Variants in JAKMIP3 observed in about 807,000 individuals in gnomAD.
The protein encoded by JAKMIP3 is janus kinase and microtubule-interacting protein 3.
A neutral mutation model predicts 118.5 loss-of-function variants in JAKMIP3; 58 were observed. The observed-to-expected ratio is 0.49, with a 90% CI of 0.40 to 0.61. The LOEUF is 0.61. Ranked by LOEUF, JAKMIP3 falls within the 20% of genes least tolerant of loss-of-function variation. JAKMIP3 has a pLI of 0.00. For synonymous variants in JAKMIP3, 486 were observed against 451.2 expected (o/e 1.08, Z -0.98); for missense variants, 950 against 1,109.0 (o/e 0.86, Z 2.04).
chr10:132,127,574 G>A (rs555915745), intron 3 of JAKMIP3, among the ~76,000 whole-genome samples: 24 of 152,164 alleles, frequency 1.6e-4, no homozygotes, highest in African/African-American at 2.9e-4. Flanking sequence ...ACTTTTCATC[G>A]GAGCTTCTTG....
In JAKMIP3 at chr10:132,139,325, T is replaced by TGA. The variant is rs1426364603; in HGVS notation, c.1345-1125_1345-1124insAG. Reference sequence around the variant, plus strand: ...GTGTGTGAGTGTGTATGTGTATGTGTGTGTGTTTGTATGTGTGTACATGTG... The same window carrying TGA: ...GTGTGTGAGTGTGTATGTGTATGTGTGAGTGTGTTTGTATGTGTGTACATGTG... On this transcript the variant is annotated intron_variant, in intron 9 of 23. Transcript: ENST00000684848. Among the ~76,000 whole-genome samples, 12 of 151,150 alleles carry TGA rather than the reference T, an allele frequency of 7.9e-5. 1 individual carries two copies. The highest frequency in any genetic ancestry group is 2.2e-4 in the South Asian group (1 of 4,538).
At chr10:132,105,823 C>G (rs1049096149) in intron 2 of JAKMIP3, among the ~76,000 whole-genome samples, 10 of 122,408 alleles carry the variant, frequency 8.2e-5, no homozygotes, top group African/African-American at 3.3e-4. Flanking sequence ...GATGGTGTCC[C>G]CACTCCAGGC....
At chr10:132,082,845 G>A (rs1301386238) in intron 1 of JAKMIP3, among the ~76,000 whole-genome samples, 2 of 152,190 alleles carry the variant, frequency 1.3e-5, no homozygotes, top group African/African-American at 4.8e-5. Flanking sequence ...TCTTGACCTC[G>A]TGATCCGCCC....
chr10:132,056,358 A>G (rs1470050684), intron 1 of JAKMIP3, among the ~76,000 whole-genome samples: 1 of 152,174 alleles, frequency 6.6e-6, no homozygotes, highest in Non-Finnish European at 1.5e-5. Flanking sequence ...AGCTGTGAGC[A>G]TGTCCTCTGC....
intron 17 of JAKMIP3, 21 bp downstream of exon 17, chr10:132,153,044 A>T: frequency 6.3e-7 from 1 of 1,593,100 alleles, no homozygotes; most frequent in Non-Finnish European, 8.6e-7. Flanking sequence ...CTGTGTGGAC[A>T]GTCGGGAGAG....
chr10:132,153,342 C>T (rs533567911), intron 17 of JAKMIP3, among the ~76,000 whole-genome samples: 2 of 152,360 alleles, frequency 1.3e-5, no homozygotes, highest in African/African-American at 4.8e-5. Context: ...TGGGGCCACC[C>T]AGCCCACTAC....
intron 19 of JAKMIP3, among the ~76,000 whole-genome samples, chr10:132,159,722 G>GGC (rs2057743649): frequency 1.8e-5 from 2 of 108,836 alleles, no homozygotes; most frequent in African/African-American, 3.6e-5. Context: ...GATGCTGGGG[G>GGC]CATGTCTTCC....
intron 11 of JAKMIP3, chr10:132,144,842 T>G: frequency 2.6e-6 from 1 of 390,300 alleles, no homozygotes; most frequent in Non-Finnish European, 4.7e-6. Context: ...GGTGGGAGGA[T>G]CACTTGAGCT....
intron 14 of JAKMIP3, among the ~76,000 whole-genome samples, chr10:132,148,959 G>A (rs1310444743): frequency 5.1e-4 from 78 of 152,322 alleles, no homozygotes; most frequent in Non-Finnish European, 2.5e-4. Context: ...CAGCTGTGTG[G>A]TCACTCCATG....
intron 1 of JAKMIP3, among the ~76,000 whole-genome samples, chr10:132,048,549 C>A (rs995753231): frequency 6.6e-6 from 1 of 152,152 alleles, no homozygotes; most frequent in African/African-American, 2.4e-5. Flanking sequence ...GAGCTCCTGG[C>A]TGGCTGCTGT....
intron 1 of JAKMIP3, among the ~76,000 whole-genome samples, chr10:132,051,576 G>T (rs930085274): frequency 1.7e-4 from 25 of 151,478 alleles, no homozygotes; most frequent in Non-Finnish European, 7.4e-5. Context: ...TAATTAGGTT[G>T]TTTGTCTTTT....
At chr10:132,064,350 C>T (rs1013789770), upstream of JAKMIP3, among the ~76,000 whole-genome samples, 3 of 152,218 alleles carry the variant, frequency 2.0e-5, no homozygotes, top group Non-Finnish European at 4.4e-5. This position sits in a 1 kb window ranked among gnomAD's most constrained non-coding sequence, Gnocchi z 4.4. Context: ...GACAGCTGGG[C>T]TGAGGGGGCA....
At chr10:132,148,719 G>A (rs2055192829) in intron 14 of JAKMIP3, among the ~76,000 whole-genome samples, 1 of 152,250 alleles carries the variant, frequency 6.6e-6, no homozygotes, top group Non-Finnish European at 1.5e-5. Context: ...AGGGAGGAGG[G>A]GAATCCCACG....
rs1427593131 is a variant in JAKMIP3, at chr10:132,180,718, T to TGC, written c.*1104-1637_*1104-1636dup. Among the ~76,000 whole-genome samples the TGC allele has an allele frequency of 7.4e-3, 139 of 18,764 alleles. 18 individuals carry two copies. The highest frequency in any genetic ancestry group is 0.014 in the South Asian group (8 of 556). The allele number at this position is 18,764 out of a possible 152,430, so 12.3% of individuals were successfully genotyped here. On this transcript the variant is annotated intron_variant, in intron 23 of 23. Coordinates refer to ENST00000684848, the MANE Select transcript of JAKMIP3 (RefSeq NM_001323087.2). ...GTGCGTGTGTGTGTGCGCGTGTGTG[T>TGC]GCGTGTGTGTGCGTGTGTGCGTGCG...
At chr10:132,105,567 G>A (rs1208893119) in intron 2 of JAKMIP3, among the ~76,000 whole-genome samples, 1 of 151,992 alleles carries the variant, frequency 6.6e-6, no homozygotes, top group African/African-American at 2.4e-5. Context: ...CAGGGGGAGG[G>A]GCTGACCAGA....
At chr10:132,177,049 T>C (rs1477121445) in intron 23 of JAKMIP3, among the ~76,000 whole-genome samples, 1 of 152,228 alleles carries the variant, frequency 6.6e-6, no homozygotes, top group Non-Finnish European at 1.5e-5. Flanking sequence ...TCTCAGAAAC[T>C]GAACGACTGA....
chr10:132,134,893 G>A (rs563322978), intron 4 of JAKMIP3, 148 bp from the exon 5 acceptor site: 24 of 990,240 alleles, frequency 2.4e-5, no homozygotes, highest in East Asian at 8.0e-5. Flanking sequence ...GCCTTTCCCC[G>A]GGGGGCTCCG....
intron 3 of JAKMIP3, among the ~76,000 whole-genome samples, chr10:132,131,202 G>A (rs912420409): frequency 1.3e-5 from 2 of 150,228 alleles, no homozygotes; most frequent in Admixed American, 1.3e-4. Context: ...GGGGCGTTGT[G>A]GGGAGACGGG....
rs1217351041 is a variant in JAKMIP3 at position 132,044,761 on chromosome 10, C to T, written c.-138+8023C>T. Among the ~76,000 whole-genome samples the T allele has an allele frequency of 2.0e-5, 3 of 152,118 alleles. No homozygotes were observed. Among genetic ancestry groups the T allele is most frequent in the Non-Finnish European group, 4.4e-5 (3 of 68,010 alleles). On this transcript the variant is annotated intron_variant, in intron 1 of 23. Coordinates refer to the JAKMIP3 transcript ENST00000657785. This position sits in a 1 kb window ranked among gnomAD's most constrained non-coding sequence, Gnocchi z 5.3. ...GGGACAATCGCAGTGCTGTGCAAAC[C>T]ACCTCCAGAACGATTTCATCTTCCC...
Sources: gnomAD v4.1 joint callset for allele counts (sites outside exome capture counted in the v4.1 genomes callset) on GRCh38, gnomAD v4.1.1 for gene constraint, Gnocchi (gnomAD v3.1) non-coding constraint, MANE v1.5 for transcripts, NCBI Gene and HGNC (gene_info 2026-07-23, HGNC 2026-07-21) for gene names.